The following DAPP1 variants were observed in gnomAD, a reference collection of about 807,000 sequenced individuals.
The protein encoded by DAPP1 is dual adapter for phosphotyrosine and 3-phosphotyrosine and 3-phosphoinositide.
Under a neutral mutation model 41.5 loss-of-function variants are expected in DAPP1, and 20 were observed. The observed-to-expected ratio is 0.48, with a 90% CI of 0.34 to 0.70. The LOEUF is 0.70. Among genes scored for constraint, DAPP1 ranks in the 30% least tolerant of loss-of-function variants. DAPP1 has a pLI of 0.01. For synonymous variants in DAPP1, 113 were observed against 116.2 expected (o/e 0.97, Z 0.18); for missense variants, 233 against 333.4 (o/e 0.70, Z 2.35).
chr4:99,855,381 C>A (rs928974416), intron 4 of DAPP1, among the ~76,000 whole-genome samples: 2 of 152,132 alleles, frequency 1.3e-5, no homozygotes, highest in African/African-American at 4.8e-5. Flanking sequence ...CAGATAATAC[C>A]TAATTTGTGA....
chr4:99,853,191 G>A (rs755780195), intron 3 of DAPP1, 27 bp from the exon 4 acceptor site: 21 of 1,612,562 alleles, frequency 1.3e-5, no homozygotes, highest in East Asian at 4.5e-5. Flanking sequence ...AACACTGTTC[G>A]ATTATATATT....
At chr4:99,821,217 C>G (rs1287832628) in intron 1 of DAPP1, among the ~76,000 whole-genome samples, 1 of 152,214 alleles carries the variant, frequency 6.6e-6, no homozygotes, top group Non-Finnish European at 1.5e-5. Flanking sequence ...TATGCATCAG[C>G]ACCATACCAT....
At chr4:99,849,176 T>C (rs1308588745) in intron 3 of DAPP1, among the ~76,000 whole-genome samples, 1 of 152,216 alleles carries the variant, frequency 6.6e-6, no homozygotes, top group Non-Finnish European at 1.5e-5. Context: ...GTTGACTCAA[T>C]GCCATTTTCC....
chr4:99,872,033 C>T (rs1191060682), downstream of DAPP1, among the ~76,000 whole-genome samples: 1 of 151,762 alleles, frequency 6.6e-6, no homozygotes, highest in Non-Finnish European at 1.5e-5. Flanking sequence ...TCCCAGAGAG[C>T]AAGAACAAAG....
intron 4 of DAPP1, among the ~76,000 whole-genome samples, chr4:99,861,170 G>A (rs781696503): frequency 1.3e-4 from 20 of 152,076 alleles, no homozygotes; most frequent in Admixed American, 3.3e-4. Flanking sequence ...ACAGACTCTG[G>A]GAAGCCCTGA....
At chr4:99,829,509 G>A (rs886304293) in intron 1 of DAPP1, among the ~76,000 whole-genome samples, 1 of 152,040 alleles carries the variant, frequency 6.6e-6, no homozygotes, top group Non-Finnish European at 1.5e-5. Context: ...TTTTTCCTAG[G>A]CATTCTTACT....
intron 4 of DAPP1, among the ~76,000 whole-genome samples, chr4:99,860,474 A>G (rs1244085485): frequency 6.6e-6 from 1 of 152,228 alleles, no homozygotes; most frequent in Admixed American, 6.5e-5. Context: ...GTTAAAATAA[A>G]TCACACCAAT....
At chr4:99,824,900 G>T (rs528312919) in intron 1 of DAPP1, among the ~76,000 whole-genome samples, 2 of 152,200 alleles carry the variant, frequency 1.3e-5, no homozygotes, top group East Asian at 3.9e-4. Flanking sequence ...TACTGTGAAG[G>T]CTTCCCTGGG....
chr4:99,862,389 G>T (rs926120743), intron 5 of DAPP1, among the ~76,000 whole-genome samples: 5 of 152,144 alleles, frequency 3.3e-5, no homozygotes, highest in African/African-American at 1.2e-4. Flanking sequence ...ATATAAGAAG[G>T]TAACAGCGGG....
intron 8 of DAPP1, 64 bp downstream of exon 8, chr4:99,866,185 T>C (rs1283194910): frequency 2.2e-6 from 2 of 912,310 alleles, no homozygotes; most frequent in East Asian, 2.5e-5. Context: ...ATTTCAAACA[T>C]ATTTCTATCA....
chr4:99,858,764 A>G (rs908195697), intron 4 of DAPP1, among the ~76,000 whole-genome samples: 21 of 152,296 alleles, frequency 1.4e-4, no homozygotes, highest in Non-Finnish European at 2.1e-4. Context: ...AAAATTTTCA[A>G]TCATTTTTAT....
At chr4:99,841,700 AGAG>A (rs1723501068) in intron 3 of DAPP1, among the ~76,000 whole-genome samples, 2 of 152,328 alleles carry the variant, frequency 1.3e-5, no homozygotes, top group South Asian at 4.1e-4. Flanking sequence ...CTGGCCATGT[AGAG>A]GAGATTTTTA....
chr4:99,862,534 T>C lies in DAPP1; in HGVS notation c.538-476T>C, dbSNP rs571439597. On this transcript the variant is annotated intron_variant, in intron 5 of 8. Transcript: ENST00000512369. Reference sequence around the variant, plus strand: ...TAATACTGGCATTGTTGTGTGAGGATTGGATATAATATATAAAGCCTCCAA... The same window carrying C: ...TAATACTGGCATTGTTGTGTGAGGACTGGATATAATATATAAAGCCTCCAA... 5.3e-5 allele frequency among the ~76,000 whole-genome samples: 8 copies of C among 152,230 alleles called. No homozygotes were observed. The South Asian group carries it at 1.4e-3, about 28-fold the overall frequency.
At chr4:99,865,401 C>T (rs1724389561) in intron 7 of DAPP1, 1 of 152,106 alleles carries the variant, frequency 6.6e-6, no homozygotes, top group Admixed American at 6.6e-5. Context: ...TATTTTGTGC[C>T]AGTAGGAAAG....
chr4:99,844,713 CT>C (rs2110150989), intron 3 of DAPP1: 1 of 152,250 alleles, frequency 6.6e-6, no homozygotes, highest in African/African-American at 2.4e-5. Context: ...TGTGCTTACC[CT>C]TTATAATAAT....
At chr4:99,838,646 A>G (rs1183331517) in intron 2 of DAPP1, among the ~76,000 whole-genome samples, 9 of 152,234 alleles carry the variant, frequency 5.9e-5, no homozygotes, top group Non-Finnish European at 1.3e-4. Flanking sequence ...GACAGGAGGC[A>G]GAGCTCAGGC....
intron 1 of DAPP1, among the ~76,000 whole-genome samples, chr4:99,833,499 A>G (rs889360916): frequency 1.3e-5 from 2 of 152,168 alleles, no homozygotes; most frequent in African/African-American, 4.8e-5. Context: ...TTTATTACTC[A>G]GGCTAAAAGT....
intron 5 of DAPP1, among the ~76,000 whole-genome samples, chr4:99,862,276 G>A (rs370782883): frequency 7.2e-5 from 11 of 152,252 alleles, no homozygotes; most frequent in African/African-American, 2.6e-4. Context: ...TGCTCCCTGA[G>A]GACAGAGAGT....
chr4:99,839,896 T>C (rs1004555873), intron 2 of DAPP1, among the ~76,000 whole-genome samples: 1 of 152,158 alleles, frequency 6.6e-6, no homozygotes, highest in Non-Finnish European at 1.5e-5. Context: ...ACCCAGTCTT[T>C]ACTAAATATA....
Sources: allele counts gnomAD v4.1 joint callset (sites outside exome capture counted in the v4.1 genomes callset), GRCh38; gene constraint gnomAD v4.1.1; transcripts MANE v1.5; gene names NCBI Gene and HGNC (gene_info 2026-07-23, HGNC 2026-07-21).